The following PLCB3 variants were observed in gnomAD, a reference collection of about 807,000 sequenced individuals.
PLCB3 encodes the protein phospholipase C beta 3.
Under a neutral mutation model 152.1 loss-of-function variants are expected in PLCB3, and 54 were observed. The ratio of observed to expected loss-of-function variants is 0.36; its 90% CI spans 0.29 to 0.45. The LOEUF (loss-of-function observed/expected upper bound fraction) is 0.45, where lower values mean the gene tolerates loss of function less well. Among genes scored for constraint, PLCB3 ranks in the 20% least tolerant of loss-of-function variants. The pLI is 1.00. For synonymous variants in PLCB3, 717 were observed against 698.7 expected, an observed-to-expected ratio of 1.03 and a Z score of -0.41; for missense variants, 1,248 against 1,687.5, an observed-to-expected ratio of 0.74 and a Z score of 4.56.
At position 64,267,628 on chromosome 11, in the gene PLCB3, C is replaced by T; in HGVS notation, c.*72C>T. ...AGGGCAGGAGGCAATGACACTAATG[C>T]TTTTTTTTTTTTTTTTTAACTTTTT... On this transcript the variant is annotated 3_prime_UTR_variant, in exon 31 of 31. Coordinates refer to ENST00000279230, the MANE Select transcript of PLCB3 (RefSeq NM_000932.5). The surrounding 1 kb of genome is among the most constrained non-coding windows in gnomAD (Gnocchi z 5.2). 5.2e-6 allele frequency: 4 copies of T among 772,822 alleles called. No homozygotes were observed. Among genetic ancestry groups the T allele is most frequent in the South Asian group, 1.9e-5 (1 of 52,554 alleles). The allele number at this position is 772,822 out of a possible 1,614,324, so 47.9% of individuals were successfully genotyped here. A position where few individuals can be genotyped will look rare whatever the true frequency, so the allele number is the denominator to read the frequency against.
intron 8 of PLCB3, 121 bp from the exon 9 acceptor site, chr11:64,256,255 C>T: frequency 2.5e-6 from 2 of 809,852 alleles, no homozygotes; most frequent in South Asian, 1.7e-5. Flanking sequence ...CCCAGAGTCC[C>T]ACTCACTGGG....
Position 64,266,229 on chromosome 11 carries a change from A to T in PLCB3, c.3266+27A>T, listed in dbSNP as rs746564547. On this transcript the variant is annotated intron_variant, in intron 27 of 30. Coordinates refer to ENST00000279230, the MANE Select transcript of PLCB3 (RefSeq NM_000932.5). The surrounding 1 kb of genome is among the most constrained non-coding windows in gnomAD (Gnocchi z 4.9). ...TGAAAGCCGAGGATTGTCTATGGGA[A>T]GGGCTGGGGACTTCTAGTACCAGAA... 2 of 1,613,890 alleles carry T rather than the reference A, an allele frequency of 1.2e-6. No individual in the cohort carries two copies. The highest frequency in any genetic ancestry group is 1.7e-6 in the Non-Finnish European group (2 of 1,179,874).
In PLCB3 at chr11:64,254,441, C is replaced by A; in HGVS notation, c.126C>A (p.Thr42=). 6.2e-7 allele frequency: 1 copy of A among 1,613,996 alleles called. No individual in the cohort carries two copies. The highest frequency in any genetic ancestry group is 8.5e-7 in the Non-Finnish European group (1 of 1,179,974). The change falls in exon 2 of 31, where the codon ACC becomes ACA. Residue 42 remains threonine (T), a synonymous_variant. Transcript: ENST00000279230. ...AGACCTCCAGTCGGAACCTGGTGAC[C>A]CTGCGTGTGGACCCCAATGGCTTCT... ...DEETSSRNLV[T]LRVDPNGFFL...
At chr11:64,256,035 G>A (rs1453627320) in intron 8 of PLCB3, among the ~76,000 whole-genome samples, 2 of 152,214 alleles carry the variant, frequency 1.3e-5, no homozygotes, top group East Asian at 3.9e-4. Flanking sequence ...GGCTAACCCT[G>A]TGCCAGGGTT....
intron 1 of PLCB3, among the ~76,000 whole-genome samples, chr11:64,253,785 C>T (rs2031362280): frequency 6.6e-6 from 1 of 152,220 alleles, no homozygotes; most frequent in South Asian, 2.1e-4. Context: ...CTGCCCAGTC[C>T]TGAGAGTAGG....
At position 64,255,733 on chromosome 11, in the gene PLCB3, C is replaced by G. The variant is rs766933332; in HGVS notation, c.610C>G (p.Arg204Gly). The change falls in exon 8 of 31, where the codon CGG becomes GGG. Residue 204 changes from arginine to glycine, a missense_variant. Around this residue, in one of 6 missense-constraint regions of PLCB3, gnomAD observed 299 missense variants for 434.7 expected, o/e 0.69. Coordinates refer to ENST00000279230, the MANE Select transcript of PLCB3 (RefSeq NM_000932.5). This position sits in a 1 kb window ranked among gnomAD's most constrained non-coding sequence, Gnocchi z 6.8. Reference protein sequence around the residue: ...GLKFNRSESIRPDEFSLEIFE... With the variant: ...GLKFNRSESIGPDEFSLEIFE... The stretch of plus-strand genomic sequence containing the variant: ...CCTCGACCTCCAGAGTGAGTCCATC[C>G]GGCCTGATGAGTTTTCCTTGGAAAT... 6.2e-7 allele frequency: 1 copy of G among 1,613,808 alleles called. No individual in the cohort carries two copies. The highest frequency in any genetic ancestry group is 1.3e-5 in the African/African-American group (1 of 74,930).
At position 64,255,883 on chromosome 11, in the gene PLCB3, C is replaced by A; in HGVS notation, c.698+62C>A. ...CTGTGTTTAGCTTCTGCTTAGCGTG[C>A]CTCTAGCTCAATGGGGAGAGGGGAA... On this transcript the variant is annotated intron_variant, in intron 8 of 30. Transcript: ENST00000279230. The surrounding 1 kb of genome is among the most constrained non-coding windows in gnomAD (Gnocchi z 6.8). 1 of 1,266,322 alleles carries A rather than the reference C, an allele frequency of 7.9e-7. No individual in the cohort carries two copies. Among genetic ancestry groups the A allele is most frequent in the Non-Finnish European group, 1.2e-6 (1 of 865,232 alleles). The allele number at this position is 1,266,322 out of a possible 1,614,324, so 78.4% of individuals were successfully genotyped here.
chr11:64,258,457 A>G lies in PLCB3; in HGVS notation c.1013-16A>G. On this transcript the variant is annotated splice_polypyrimidine_tract_variant and intron_variant, in intron 10 of 30. Coordinates refer to ENST00000279230, the MANE Select transcript of PLCB3 (RefSeq NM_000932.5). This position sits in a 1 kb window ranked among gnomAD's most constrained non-coding sequence, Gnocchi z 7.2. The stretch of plus-strand genomic sequence containing the variant: ...GGCTGGTGGGCGGCCTCGGTGACAG[A>G]GCCTCGCCGCCCCAGCGGGGCAGCT... 6.2e-7 allele frequency: 1 copy of G among 1,609,062 alleles called. No individual in the cohort carries two copies. The highest frequency in any genetic ancestry group is 8.5e-7 in the Non-Finnish European group (1 of 1,177,858).
In PLCB3 at chr11:64,263,738, C is replaced by T. The variant is rs774781344; in HGVS notation, c.2503C>T (p.Leu835=). 4 of 1,613,376 alleles carry T rather than the reference C, an allele frequency of 2.5e-6. No homozygotes were observed. The South Asian group carries it at 3.3e-5, about 13-fold the overall frequency. Reference sequence around the variant, plus strand: ...GAACGAGGCCAACCAACCGCTGTGCCTGCCGGCCCTGCTCATCTACACCGA... The same window carrying T: ...GAACGAGGCCAACCAACCGCTGTGCTTGCCGGCCCTGCTCATCTACACCGA... ...LRNEANQPLC[L]PALLIYTEAS... Residue 835 remains leucine, a synonymous_variant, in exon 21 of 31, where the codon CTG becomes TTG. Coordinates refer to ENST00000279230, the MANE Select transcript of PLCB3 (RefSeq NM_000932.5).
In PLCB3 at chr11:64,255,272, C is replaced by T. The variant is rs748738042; in HGVS notation, c.426C>T (p.Ile142=). The T allele has an allele frequency of 2.5e-6, 4 of 1,613,892 alleles. No homozygotes were observed. The highest frequency in any genetic ancestry group is 3.4e-6 in the Non-Finnish European group (4 of 1,179,988). ...AGCTATTCAAGCTGGCTATGAACAT[C>T]CTGGCTCAGAACGCCTCCCGGAACA... ...SEELFKLAMN[I]LAQNASRNTF... The change falls in exon 5 of 31, where the codon ATC becomes ATT. Residue 142 remains isoleucine (I), a synonymous_variant. Coordinates refer to ENST00000279230, the MANE Select transcript of PLCB3 (RefSeq NM_000932.5). This position sits in a 1 kb window ranked among gnomAD's most constrained non-coding sequence, Gnocchi z 6.8.
At position 64,261,390 on chromosome 11, in the gene PLCB3, G is replaced by T. The variant is rs528825721; in HGVS notation, c.1732-10G>T. ...GAATGGCACTGCTGACCCTGGGTTG[G>T]GGCCCACAGGGCACAGCCAGCAGCG... On this transcript the variant is annotated splice_polypyrimidine_tract_variant and intron_variant, in intron 14 of 30. Coordinates refer to ENST00000279230, the MANE Select transcript of PLCB3 (RefSeq NM_000932.5). 5.0e-6 allele frequency: 8 copies of T among 1,610,002 alleles called. No individual in the cohort carries two copies. In the South Asian group the frequency reaches 8.8e-5, roughly 18 times the overall value.
At position 64,254,441 on chromosome 11, in the gene PLCB3, C is replaced by T; in HGVS notation, c.126C>T (p.Thr42=). 1 of 1,613,996 alleles carries T rather than the reference C, an allele frequency of 6.2e-7. No individual in the cohort carries two copies. Residue 42 remains threonine (T), a synonymous_variant, in exon 2 of 31, where the codon ACC becomes ACT. Transcript: ENST00000279230. ...AGACCTCCAGTCGGAACCTGGTGAC[C>T]CTGCGTGTGGACCCCAATGGCTTCT... ...DEETSSRNLV[T]LRVDPNGFFL... is the part of the protein sequence containing the mutation.
rs1213403517 is a variant in PLCB3 at position 64,259,150 on chromosome 11, C to G, written c.1431C>G (p.Gly477=). ...AGCGGCACCGACCCAGCGCAGGTGG[C>G]CCAGACAGCGCCGGGCGCAAGCGGC... ...NKKRHRPSAG[G]PDSAGRKRPL... is the part of the protein sequence containing the mutation. Residue 477 remains glycine, a synonymous_variant, in exon 13 of 31, where the codon GGC becomes GGG. Transcript: ENST00000279230. The G allele has an allele frequency of 6.2e-7, 1 of 1,609,488 alleles. No homozygotes were observed. The highest frequency in any genetic ancestry group is 8.5e-7 in the Non-Finnish European group (1 of 1,178,406).
rs768372357 is a variant in PLCB3, at chr11:64,255,435, G to A, written c.507G>A (p.Arg169=). ...KLKLQVNQDG[R]IPVKNILKMF... Reference sequence around the variant, plus strand: ...AGCTGCAGGTGAACCAGGATGGTCGGATCCCCGTCAAGAAGTGAGCACCCC... The same window carrying A: ...AGCTGCAGGTGAACCAGGATGGTCGAATCCCCGTCAAGAAGTGAGCACCCC... Residue 169 remains arginine (R), a synonymous_variant, in exon 6 of 31, where the codon CGG becomes CGA. Coordinates refer to ENST00000279230, the MANE Select transcript of PLCB3 (RefSeq NM_000932.5). The surrounding 1 kb of genome is among the most constrained non-coding windows in gnomAD (Gnocchi z 6.8). 3.1e-6 allele frequency: 5 copies of A among 1,614,136 alleles called. No individual in the cohort carries two copies. The highest frequency in any genetic ancestry group is 1.3e-5 in the African/African-American group (1 of 75,044).
At position 64,267,598 on chromosome 11, in the gene PLCB3, G is replaced by C; in HGVS notation, c.*42G>C. ...GGCCACAGGGCCAGGGCGGGCGCTG[G>C]GTGGAGGGCAGGAGGCAATGACACT... On this transcript the variant is annotated 3_prime_UTR_variant, in exon 31 of 31. Coordinates refer to ENST00000279230, the MANE Select transcript of PLCB3 (RefSeq NM_000932.5). This position sits in a 1 kb window ranked among gnomAD's most constrained non-coding sequence, Gnocchi z 5.2. The C allele has an allele frequency of 7.0e-7, 1 of 1,427,858 alleles. No individual in the cohort carries two copies. Among genetic ancestry groups the C allele is most frequent in the Non-Finnish European group, 9.5e-7 (1 of 1,051,360 alleles). 88.4% of individuals were successfully genotyped at this position (1,427,858 alleles called of 1,614,324 possible). A position where few individuals can be genotyped will look rare whatever the true frequency, so the allele number is the denominator to read the frequency against.
At chr11:64,253,443 T>A (rs1400418718) in intron 1 of PLCB3, among the ~76,000 whole-genome samples, 1 of 152,176 alleles carries the variant, frequency 6.6e-6, no homozygotes, top group Non-Finnish European at 1.5e-5. Flanking sequence ...TGGTGCGCAG[T>A]AGGGGCGGTG....
At chr11:64,265,797 C>T (rs555208436) in intron 25 of PLCB3, 89 bp from the exon 26 acceptor site, 13 of 1,481,116 alleles carry the variant, frequency 8.8e-6, no homozygotes, top group African/African-American at 8.3e-5. Context: ...TGTCTGCCAT[C>T]GCTTGCCAGG....
At chr11:64,264,483 C>A (rs954600540) in intron 22 of PLCB3, among the ~76,000 whole-genome samples, 1 of 152,166 alleles carries the variant, frequency 6.6e-6, no homozygotes, top group Non-Finnish European at 1.5e-5. Context: ...CCAGTCCCCC[C>A]AGGGCCTGCG....
At position 64,265,336 on chromosome 11, in the gene PLCB3, C is replaced by T. The variant is rs1380367315; in HGVS notation, c.2869C>T (p.Leu957Phe). 2.5e-6 allele frequency: 4 copies of T among 1,582,096 alleles called. No homozygotes were observed. Among genetic ancestry groups the T allele is most frequent in the Non-Finnish European group, 3.4e-6 (4 of 1,164,046 alleles). Reference protein sequence around the residue: ...SEVAPTPLDELRGHKALVKLR... With the variant: ...SEVAPTPLDEFRGHKALVKLR... ...GGTGGCCCCCACCCCGCTGGATGAGCTCCGAGGTCACAAGGCTCTGGTCAA... is the reference window on the plus strand; with the variant it reads ...GGTGGCCCCCACCCCGCTGGATGAGTTCCGAGGTCACAAGGCTCTGGTCAA... The change falls in exon 25 of 31, where the codon CTC becomes TTC. Residue 957 changes from leucine to phenylalanine, a missense_variant. Physicochemically the swap from Leu to Phe is conservative, Grantham distance 22. Transcript: ENST00000279230.
Sources: allele counts gnomAD v4.1 joint callset (sites outside exome capture counted in the v4.1 genomes callset), GRCh38; gene constraint gnomAD v4.1.1; regional missense constraint gnomAD v4.1.1; non-coding constraint Gnocchi (gnomAD v3.1); transcripts MANE v1.5; gene names NCBI Gene and HGNC (gene_info 2026-07-23, HGNC 2026-07-21).